GRM7: variants seen among roughly 807,000 people sequenced by gnomAD.
GRM7 encodes glutamate metabotropic receptor 7.
In GRM7, 35 loss-of-function variants were observed where a neutral mutation model predicts 84.5. That is an observed-to-expected ratio of 0.41 (90% CI 0.32 to 0.55). The LOEUF (loss-of-function observed/expected upper bound fraction) is 0.55. GRM7 is among the 20% of genes least tolerant of loss of function. The pLI is 0.19. For synonymous variants in GRM7, 487 were observed against 455.1 expected, an observed-to-expected ratio of 1.07 and a Z score of -0.89; for missense variants, 1,003 against 1,194.6, an observed-to-expected ratio of 0.84 and a Z score of 2.36.
At chr3:7,599,748 G>C (rs1696227210) in intron 8 of GRM7, among the ~76,000 whole-genome samples, 1 of 152,060 alleles carries the variant, frequency 6.6e-6, no homozygotes, top group African/African-American at 2.4e-5. Context: ...AAATCAGGTG[G>C]CTTAATGACA....
chr3:7,738,398 G>A (rs1702574829), intron 9 of GRM7, among the ~76,000 whole-genome samples: 3 of 152,046 alleles, frequency 2.0e-5, no homozygotes, highest in African/African-American at 7.2e-5. Context: ...CTCATCTCAA[G>A]GCCACAGAGA....
chr3:7,643,074 A>G (rs1169608759), intron 8 of GRM7, among the ~76,000 whole-genome samples: 1 of 152,108 alleles, frequency 6.6e-6, no homozygotes, highest in African/African-American at 2.4e-5. Context: ...CAAGGATTTT[A>G]ATCACATCAC....
At chr3:7,337,627 C>T (rs1701472253) in intron 4 of GRM7, among the ~76,000 whole-genome samples, 1 of 151,572 alleles carries the variant, frequency 6.6e-6, no homozygotes, top group Non-Finnish European at 1.5e-5. Context: ...AAAAGATACA[C>T]AAATGGCCAA....
chr3:7,428,554 GAT>G, intron 5 of GRM7, among the ~76,000 whole-genome samples: 1 of 152,250 alleles, frequency 6.6e-6, no homozygotes, highest in African/African-American at 2.4e-5. Flanking sequence ...AACTGCTCAT[GAT>G]ATCACTTGGG....
chr3:7,495,285 G>A (rs983905708), intron 7 of GRM7, among the ~76,000 whole-genome samples: 3 of 152,138 alleles, frequency 2.0e-5, no homozygotes, highest in African/African-American at 4.8e-5. Context: ...CTGCTTGGTG[G>A]AGGAGCACTG....
intron 9 of GRM7, among the ~76,000 whole-genome samples, chr3:7,729,134 T>C (rs796137240): frequency 2.1e-4 from 32 of 151,776 alleles, no homozygotes; most frequent in African/African-American, 7.5e-4. Flanking sequence ...TATTTGCAAA[T>C]TCACCCACAC....
chr3:7,715,557 A>C (rs1227792212), intron 9 of GRM7, among the ~76,000 whole-genome samples: 1 of 152,232 alleles, frequency 6.6e-6, no homozygotes, highest in Non-Finnish European at 1.5e-5. Context: ...ATGTCTACTA[A>C]GTGTCTGTGT....
At chr3:7,211,171 T>G (rs988334472) in intron 2 of GRM7, among the ~76,000 whole-genome samples, 2 of 152,226 alleles carry the variant, frequency 1.3e-5, no homozygotes, top group African/African-American at 4.8e-5. Flanking sequence ...ACCCCACCTT[T>G]GATTAAAATA....
At chr3:7,199,418 T>C (rs554099662) in intron 2 of GRM7, among the ~76,000 whole-genome samples, 59 of 152,342 alleles carry the variant, frequency 3.9e-4, no homozygotes, top group Non-Finnish European at 7.6e-4. Flanking sequence ...AGCCAATCTT[T>C]CCCTGAATCC....
intron 1 of GRM7, among the ~76,000 whole-genome samples, chr3:7,058,942 C>G (rs1235204737): frequency 6.6e-6 from 1 of 151,842 alleles, no homozygotes; most frequent in African/African-American, 2.4e-5. Flanking sequence ...AGGCTATGAC[C>G]TAATGCTTGC....
At chr3:7,100,569 G>T (rs1699076386) in intron 1 of GRM7, among the ~76,000 whole-genome samples, 1 of 151,800 alleles carries the variant, frequency 6.6e-6, no homozygotes, top group Non-Finnish European at 1.5e-5. Context: ...AAAACATGGG[G>T]CTTGAATTTT....
intron 7 of GRM7, among the ~76,000 whole-genome samples, chr3:7,466,734 T>A (rs977919981): frequency 6.6e-6 from 1 of 152,224 alleles, no homozygotes. Flanking sequence ...ATGAATATTA[T>A]TTCCTCTTTT....
rs549941568 is a variant in GRM7 at position 7,078,848 on chromosome 3, AGTTT to A, written c.520-67599_520-67596del. The stretch of plus-strand genomic sequence containing the variant: ...TTTTCTGAGTCCTTTTGGAACTCTG[AGTTT>A]GTTTTTTTTTTTTCATTTCTTTGCT... On this transcript the variant is annotated intron_variant, in intron 1 of 9. Coordinates refer to ENST00000357716, the MANE Select transcript of GRM7 (RefSeq NM_000844.4). Among the ~76,000 whole-genome samples, 12 of 139,028 alleles carry A rather than the reference AGTTT, an allele frequency of 8.6e-5. No homozygotes were observed. In the South Asian group the frequency reaches 2.0e-3, roughly 23 times the overall value. 91.2% of individuals were successfully genotyped at this position (139,028 alleles called of 152,430 possible).
chr3:7,467,127 G>T (rs1032421188), intron 7 of GRM7, among the ~76,000 whole-genome samples: 2 of 152,016 alleles, frequency 1.3e-5, no homozygotes, highest in Admixed American at 6.5e-5. Context: ...TCGCTCTGTC[G>T]CCCGGGCTGG....
chr3:7,302,517 G>T (rs751264550), intron 3 of GRM7, among the ~76,000 whole-genome samples: 1 of 151,672 alleles, frequency 6.6e-6, no homozygotes, highest in African/African-American at 2.4e-5. Context: ...TTCAAACTTC[G>T]TCAGCACCTC....
rs1405571809 is a variant in GRM7 at position 7,151,915 on chromosome 3, T to G, written c.736+5247T>G. 1.2e-5 allele frequency among the ~76,000 whole-genome samples: 1 copy of G among 81,946 alleles called. No homozygotes were observed. The highest frequency in any genetic ancestry group is 9.4e-5 in the African/African-American group (1 of 10,626). The allele number at this position is 81,946 out of a possible 152,430, so 53.8% of individuals were successfully genotyped here. ...ATACCACCATCTATATTGAATTCTGTTTTTTTTTTCTTTCTGTCTATGTCA... is the reference window on the plus strand; with the variant it reads ...ATACCACCATCTATATTGAATTCTGGTTTTTTTTTCTTTCTGTCTATGTCA... On this transcript the variant is annotated intron_variant, in intron 2 of 9. Transcript: ENST00000357716. The surrounding 1 kb of genome is among the most constrained non-coding windows in gnomAD (Gnocchi z 4.5).
intron 4 of GRM7, among the ~76,000 whole-genome samples, chr3:7,388,724 G>C (rs1047315016): frequency 6.6e-6 from 1 of 152,044 alleles, no homozygotes; most frequent in African/African-American, 2.4e-5. Flanking sequence ...TGTGTACATA[G>C]AGATGTTCAT....
Position 7,362,618 on chromosome 3 carries a change from T to C in GRM7, c.1034-52405T>C, listed in dbSNP as rs559233332. 6.2e-4 allele frequency among the ~76,000 whole-genome samples: 94 copies of C among 152,220 alleles called. No individual in the cohort carries two copies. In the South Asian group the frequency reaches 0.018, roughly 29 times the overall value. On this transcript the variant is annotated intron_variant, in intron 4 of 9. Transcript: ENST00000357716. ...GGTGAGATCCACAGTAACTGATCTA[T>C]AACAACTGCTCTTTAGCTGTACGAT... is the stretch of plus-strand genomic sequence containing the variant.
At chr3:7,367,660 C>A (rs1272906641) in intron 4 of GRM7, among the ~76,000 whole-genome samples, 1 of 151,486 alleles carries the variant, frequency 6.6e-6, no homozygotes, top group Non-Finnish European at 1.5e-5. Context: ...CTTCCAATAT[C>A]TTATTAAGAA....
Sources: gnomAD v4.1 joint callset for allele counts (sites outside exome capture counted in the v4.1 genomes callset) on GRCh38, gnomAD v4.1.1 for gene constraint, Gnocchi (gnomAD v3.1) non-coding constraint, MANE v1.5 for transcripts, NCBI Gene and HGNC (gene_info 2026-07-23, HGNC 2026-07-21) for gene names.